Variants in BCL11A observed in about 807,000 individuals in gnomAD.
BCL11A encodes BCL11 transcription factor A.
In BCL11A, 2 loss-of-function variants were observed where a neutral mutation model predicts 55.9. The ratio of observed to expected loss-of-function variants is 0.04; its 90% CI spans 0.01 to 0.11. The LOEUF is 0.11. BCL11A is among the 10% of genes least tolerant of loss of function. The probability of loss-of-function intolerance (pLI) is 1.00; values close to 1 mark genes in which losing one functional copy is unlikely to be tolerated. For missense variants in BCL11A, 817 were observed against 1,137.1 expected (o/e 0.72, Z 4.05); for synonymous variants, 465 against 473.4 (o/e 0.98, Z 0.23).
At chr2:60,514,174 C>A (rs535693692) in intron 2 of BCL11A, among the ~76,000 whole-genome samples, 59 of 152,250 alleles carry the variant, frequency 3.9e-4, no homozygotes, top group Non-Finnish European at 7.8e-4. Flanking sequence ...CTCTGAGAGG[C>A]TTCCAGGCTG....
chr2:60,462,188 T>C lies in BCL11A; in HGVS notation c.724A>G (p.Arg242Gly), dbSNP rs1295186340. 6.3e-7 allele frequency: 1 copy of C among 1,598,244 alleles called. No individual in the cohort carries two copies. The highest frequency in any genetic ancestry group is 1.7e-5 in the Admixed American group (1 of 57,940). Residue 242 changes from arginine to glycine, a missense_variant, in exon 4 of 4, where the codon AGA becomes GGA. Coordinates refer to ENST00000642384, the MANE Select transcript of BCL11A (RefSeq NM_022893.4). ...IADNNPFNLLRIPGSVSREAS... is the reference protein window; with the variant it reads ...IADNNPFNLLGIPGSVSREAS... The stretch of plus-strand genomic sequence containing the variant: ...TCTCTCGATACTGATCCTGGTATTC[T>C]TAGCAGGTTAAAGGGGTTATTGTCT...
At chr2:60,473,106 ATG>A (rs999656700) in intron 2 of BCL11A, among the ~76,000 whole-genome samples, 4 of 151,700 alleles carry the variant, frequency 2.6e-5, no homozygotes, top group Non-Finnish European at 4.4e-5. Context: ...ATGCTTGTGC[ATG>A]TGTTAGCATG....
intron 2 of BCL11A, among the ~76,000 whole-genome samples, chr2:60,512,599 G>T (rs1216849091): frequency 6.6e-6 from 1 of 152,116 alleles, no homozygotes; most frequent in African/African-American, 2.4e-5. Flanking sequence ...GAGACTAGAT[G>T]GTATCTGCCT....
At chr2:60,541,867 T>G in intron 2 of BCL11A, 1 of 694,914 alleles carries the variant, frequency 1.4e-6, no homozygotes, top group Non-Finnish European at 2.7e-6. Context: ...CTATAATTTA[T>G]AGTCTCATTT....
In BCL11A at chr2:60,461,223, G is replaced by A. The variant is rs760490643; in HGVS notation, c.1689C>T (p.His563=). The change falls in exon 4 of 4, where the codon CAC becomes CAT. Residue 563 remains histidine, a synonymous_variant. Coordinates refer to ENST00000642384, the MANE Select transcript of BCL11A (RefSeq NM_022893.4). The part of the protein sequence containing the change: ...SSMQHFSEAF[H]QVLGEKHKRG... ...GCTTATGCTTCTCGCCCAGGACCTG[G>A]TGGAAGGCCTCGCTGAAGTGCTGCA... is the stretch of plus-strand genomic sequence containing the variant. The A allele has an allele frequency of 6.2e-7, 1 of 1,611,504 alleles. No homozygotes were observed. The highest frequency in any genetic ancestry group is 1.1e-5 in the South Asian group (1 of 91,076).
At chr2:60,482,185 G>A (rs760007993) in intron 2 of BCL11A, among the ~76,000 whole-genome samples, 60 of 152,016 alleles carry the variant, frequency 3.9e-4, no homozygotes, top group Non-Finnish European at 7.4e-4. Flanking sequence ...AGTTTGGTTG[G>A]AGTTTAGTTT....
chr2:60,502,242 T>C (rs1573017455), intron 2 of BCL11A, among the ~76,000 whole-genome samples: 1 of 152,352 alleles, frequency 6.6e-6, no homozygotes, highest in Admixed American at 6.5e-5. Flanking sequence ...TCCTGCTTTG[T>C]AAAAGCTGGT....
chr2:60,504,010 C>T (rs184355541), intron 2 of BCL11A, among the ~76,000 whole-genome samples: 2 of 152,238 alleles, frequency 1.3e-5, no homozygotes, highest in Middle Eastern at 3.4e-3. Flanking sequence ...CCAGCCAAAA[C>T]CCCATCTGCT....
At position 60,485,109 on chromosome 2, in the gene BCL11A, C is replaced by T. The variant is rs941207711; in HGVS notation, c.386-16276G>A. On this transcript the variant is annotated intron_variant, in intron 2 of 3. Transcript: ENST00000642384. ...AAGGCATCCCTTGCAGCCACAATTT[C>T]GCAAGTTGACCTTTTCACCAGGCCA... is the stretch of plus-strand genomic sequence containing the variant. 4.6e-5 allele frequency among the ~76,000 whole-genome samples: 7 copies of T among 152,230 alleles called. No individual in the cohort carries two copies. The South Asian group carries it at 8.3e-4, about 18-fold the overall frequency.
intron 2 of BCL11A, among the ~76,000 whole-genome samples, chr2:60,502,392 G>C (rs973556614): frequency 9.2e-5 from 14 of 152,228 alleles, no homozygotes; most frequent in Non-Finnish European, 1.9e-4. Context: ...AAAAGTCTCA[G>C]CCTAATAAAA....
chr2:60,484,769 T>A (rs1245109301), intron 2 of BCL11A, among the ~76,000 whole-genome samples: 2 of 151,924 alleles, frequency 1.3e-5, no homozygotes, highest in Non-Finnish European at 2.9e-5. Flanking sequence ...CCTGCCCTTA[T>A]CACCATTCCA....
chr2:60,490,224 G>A (rs1312317422), intron 2 of BCL11A, among the ~76,000 whole-genome samples: 1 of 152,174 alleles, frequency 6.6e-6, no homozygotes, highest in Non-Finnish European at 1.5e-5. Flanking sequence ...TCGGCATGAA[G>A]GGTATAACAG....
intron 2 of BCL11A, among the ~76,000 whole-genome samples, chr2:60,479,951 A>C (rs946807909): frequency 2.6e-5 from 4 of 152,244 alleles, no homozygotes; most frequent in Admixed American, 1.3e-4. Context: ...TGAAGTTGAC[A>C]GGTTGGGACA....
At chr2:60,499,077 G>A (rs911221543) in intron 2 of BCL11A, among the ~76,000 whole-genome samples, 8 of 152,172 alleles carry the variant, frequency 5.3e-5, no homozygotes, top group Admixed American at 2.6e-4. Context: ...TCCATTTCTC[G>A]CTGGCTTTTC....
At chr2:60,514,384 C>T (rs932135845) in intron 2 of BCL11A, among the ~76,000 whole-genome samples, 3 of 151,454 alleles carry the variant, frequency 2.0e-5, no homozygotes, top group African/African-American at 7.3e-5. Flanking sequence ...TAGCCAGGTG[C>T]GGTGGCTCAC....
intron 3 of BCL11A, among the ~76,000 whole-genome samples, chr2:60,467,717 GTAC>G (rs1183091138): frequency 2.0e-5 from 2 of 100,102 alleles, no homozygotes; most frequent in African/African-American, 3.9e-5. Context: ...GGTGGTGATG[GTAC>G]TGGTGGTGAT....
intron 2 of BCL11A, among the ~76,000 whole-genome samples, chr2:60,521,816 C>T (rs577131310): frequency 2.6e-5 from 4 of 152,288 alleles, no homozygotes; most frequent in Admixed American, 2.0e-4. Context: ...ACCCTCACCA[C>T]GAGGCACAGA....
intron 2 of BCL11A, among the ~76,000 whole-genome samples, chr2:60,539,496 A>C (rs948969142): frequency 1.3e-5 from 2 of 152,218 alleles, no homozygotes; most frequent in African/African-American, 4.8e-5. Context: ...TGTTTTAAAA[A>C]TGCATAGGGA....
At chr2:60,524,168 T>C (rs1669109976) in intron 2 of BCL11A, among the ~76,000 whole-genome samples, 1 of 152,212 alleles carries the variant, frequency 6.6e-6, no homozygotes, top group African/African-American at 2.4e-5. Context: ...CTGACCGCAT[T>C]AGTGAGCCAA....
Sources: allele counts gnomAD v4.1 joint callset (sites outside exome capture counted in the v4.1 genomes callset), GRCh38; gene constraint gnomAD v4.1.1; transcripts MANE v1.5; gene names NCBI Gene and HGNC (gene_info 2026-07-23, HGNC 2026-07-21).